NDUFAF6: variants seen among roughly 807,000 people sequenced by gnomAD.
NDUFAF6 encodes the protein NADH dehydrogenase (ubiquinone) complex I, assembly factor 6.
NDUFAF6 carries 45 observed loss-of-function variants against 40.8 expected under a neutral mutation model. The observed-to-expected ratio is 1.10, with a 90% CI of 0.87 to 1.42. The LOEUF is 1.42. NDUFAF6 is among the 40% of genes most tolerant of loss of function. NDUFAF6 has a pLI of 0.00. For missense variants in NDUFAF6, 435 were observed against 418.5 expected, an observed-to-expected ratio of 1.04 and a Z score of -0.34; for synonymous variants, 185 against 155.9, an observed-to-expected ratio of 1.19 and a Z score of -1.39.
chr8:95,113,597 C>T (rs1302110417), intron 4 of NDUFAF6, among the ~76,000 whole-genome samples: 1 of 152,188 alleles, frequency 6.6e-6, no homozygotes, highest in Non-Finnish European at 1.5e-5. Context: ...TCAAGCCCTG[C>T]TTGCCTTCCT....
intron 2 of NDUFAF6, among the ~76,000 whole-genome samples, chr8:94,991,727 T>A (rs1826199707): frequency 6.6e-6 from 1 of 152,116 alleles, no homozygotes; most frequent in African/African-American, 2.4e-5. Flanking sequence ...GCTCTGTGCC[T>A]TGTTTTTTTC....
chr8:94,902,426 A>AC (rs1478852675), intron 1 of NDUFAF6, among the ~76,000 whole-genome samples: 3 of 151,542 alleles, frequency 2.0e-5, no homozygotes, highest in Non-Finnish European at 4.4e-5. Context: ...CTCAAAAAAA[A>AC]AAAAAAAGAT....
intron 2 of NDUFAF6, among the ~76,000 whole-genome samples, chr8:94,990,640 C>T (rs184277887): frequency 1.3e-5 from 2 of 152,288 alleles, no homozygotes; most frequent in Admixed American, 1.3e-4. Context: ...ACTTTAGGAC[C>T]TGGACTACCC....
At chr8:94,932,549 A>G (rs1820517787) in intron 1 of NDUFAF6, among the ~76,000 whole-genome samples, 1 of 152,242 alleles carries the variant, frequency 6.6e-6, no homozygotes, top group African/African-American at 2.4e-5. Context: ...CACGCCTGTA[A>G]TCCCAGCACT....
At chr8:95,026,029 G>A (rs149829297) in intron 1 of NDUFAF6, among the ~76,000 whole-genome samples, 2 of 152,200 alleles carry the variant, frequency 1.3e-5, no homozygotes, top group Non-Finnish European at 2.9e-5. Context: ...TTGGTCTCAA[G>A]GACTTACCAA....
At chr8:95,086,097 T>A (rs1390891528) in intron 2 of NDUFAF6, among the ~76,000 whole-genome samples, 1 of 152,094 alleles carries the variant, frequency 6.6e-6, no homozygotes, top group African/African-American at 2.4e-5. Context: ...TAACTGCCTC[T>A]AGACCAGCCT....
chr8:95,114,896 G>A (rs1188063876), intron 4 of NDUFAF6, among the ~76,000 whole-genome samples: 1 of 152,046 alleles, frequency 6.6e-6, no homozygotes, highest in African/African-American at 2.4e-5. Flanking sequence ...AAAATAATAC[G>A]TGAAAGCGTC....
At chr8:95,031,968 A>G (rs1048268511) in intron 1 of NDUFAF6, 27 bp from the exon 2 acceptor site, 27 of 1,591,964 alleles carry the variant, frequency 1.7e-5, no homozygotes, top group Non-Finnish European at 1.9e-5. Flanking sequence ...GTGAAGAGTA[A>G]CTGTCTTTTT....
In NDUFAF6 at chr8:94,991,289, CTT is replaced by C. The variant is rs1826179621; in HGVS notation, c.-84+10319_-84+10320del. Among the ~76,000 whole-genome samples, 3 of 152,188 alleles carry C rather than the reference CTT, an allele frequency of 2.0e-5. 1 individual carries two copies. The South Asian group carries it at 6.2e-4, about 32-fold the overall frequency. ...CATCTTAAAATATGTTTGGCTATGA[CTT>C]TTGATTATTCTGCCTCTGATGTTAT... On this transcript the variant is annotated intron_variant, in intron 2 of 9. Coordinates refer to the NDUFAF6 transcript ENST00000396111.
chr8:95,014,311 T>A (rs553561616), intron 2 of NDUFAF6, among the ~76,000 whole-genome samples: 1 of 152,200 alleles, frequency 6.6e-6, no homozygotes, highest in East Asian at 1.9e-4. Flanking sequence ...TCACTGTGAG[T>A]CACATATAAT....
chr8:95,007,101 T>C (rs994187415), intron 2 of NDUFAF6, among the ~76,000 whole-genome samples: 1 of 152,126 alleles, frequency 6.6e-6, no homozygotes, highest in Non-Finnish European at 1.5e-5. Context: ...CTTTGGCTTA[T>C]ACAAAAACGC....
chr8:94,909,372 A>C (rs1361305829), intron 1 of NDUFAF6, among the ~76,000 whole-genome samples: 4 of 50,052 alleles, frequency 8.0e-5, no homozygotes, highest in East Asian at 8.7e-4. Context: ...AAAAAAAAAA[A>C]AAAAAAAAAA....
At chr8:94,910,736 A>C (rs1818726476) in intron 1 of NDUFAF6, among the ~76,000 whole-genome samples, 3 of 152,228 alleles carry the variant, frequency 2.0e-5, no homozygotes, top group Admixed American at 1.3e-4. Context: ...ATCACTTTTC[A>C]TTTAGTTTAT....
chr8:94,989,811 C>T (rs959128928), intron 2 of NDUFAF6, among the ~76,000 whole-genome samples: 2 of 152,180 alleles, frequency 1.3e-5, no homozygotes, highest in African/African-American at 4.8e-5. Context: ...ATCATGGCCT[C>T]AACCTCCTAT....
intron 1 of NDUFAF6, among the ~76,000 whole-genome samples, chr8:94,970,505 C>A (rs1824378446): frequency 6.6e-6 from 1 of 151,998 alleles, no homozygotes; most frequent in African/African-American, 2.4e-5. Flanking sequence ...GCAAGAGAAT[C>A]TTTTGAATCT....
chr8:95,033,442 A>C (rs899684112), intron 2 of NDUFAF6, among the ~76,000 whole-genome samples: 1 of 152,194 alleles, frequency 6.6e-6, no homozygotes, highest in East Asian at 1.9e-4. Context: ...TGCTTTGCAC[A>C]TGGAGCCTTG....
At chr8:95,072,408 CATCTT>C (rs150289827) in intron 9 of NDUFAF6, among the ~76,000 whole-genome samples, 1,602 of 152,352 alleles carry the variant, frequency 0.011, 21 homozygotes, top group African/African-American at 0.037. Context: ...TACTGGTACT[CATCTT>C]AGTTACCCTT....
At chr8:95,008,983 G>A (rs1476300404) in intron 2 of NDUFAF6, among the ~76,000 whole-genome samples, 1 of 152,042 alleles carries the variant, frequency 6.6e-6, no homozygotes, top group Non-Finnish European at 1.5e-5. Flanking sequence ...GATCAGTTGA[G>A]GCCTGGAGTT....
chr8:95,074,879 A>G (rs1039043194), intron 9 of NDUFAF6, among the ~76,000 whole-genome samples: 5 of 152,216 alleles, frequency 3.3e-5, no homozygotes, highest in Admixed American at 3.3e-4. Context: ...CAAGGGCCTC[A>G]TGTTATGATT....
Sources: gnomAD v4.1 joint callset for allele counts (sites outside exome capture counted in the v4.1 genomes callset) on GRCh38, gnomAD v4.1.1 for gene constraint, MANE v1.5 for transcripts, NCBI Gene and HGNC (gene_info 2026-07-23, HGNC 2026-07-21) for gene names.